Variants in CDH13 observed in about 807,000 individuals in gnomAD.
The protein encoded by CDH13 is cadherin-13.
CDH13 carries 24 observed loss-of-function variants against 63.8 expected under a neutral mutation model. That is an observed-to-expected ratio of 0.38 (90% confidence interval 0.27 to 0.53). The LOEUF (loss-of-function observed/expected upper bound fraction) is 0.53. Ranked by LOEUF, CDH13 falls within the 20% of genes least tolerant of loss-of-function variation. CDH13 has a pLI of 0.85. For missense variants in CDH13, 1,049 were observed against 903.1 expected, an observed-to-expected ratio of 1.16 and a Z score of -2.07; for synonymous variants, 503 against 355.3, an observed-to-expected ratio of 1.42 and a Z score of -4.67.
chr16:83,556,825 G>A (rs974474312), intron 7 of CDH13, among the ~76,000 whole-genome samples: 7 of 152,322 alleles, frequency 4.6e-5, no homozygotes, highest in African/African-American at 1.7e-4. Context: ...CACAGTCTCA[G>A]CTGATGCCAG....
chr16:83,650,219 G>GAA (rs58267042), intron 8 of CDH13, among the ~76,000 whole-genome samples: 2 of 151,388 alleles, frequency 1.3e-5, no homozygotes, highest in Admixed American at 1.3e-4. Flanking sequence ...CAGAAAGCAG[G>GAA]AAAAAAAATA....
intron 7 of CDH13, among the ~76,000 whole-genome samples, chr16:83,523,376 C>G (rs79163676): frequency 5.8e-4 from 88 of 152,306 alleles, no homozygotes; most frequent in African/African-American, 1.9e-3. Context: ...TCATGATGAC[C>G]TAGCCCATGC....
chr16:83,522,055 T>A (rs2074850278), intron 7 of CDH13, among the ~76,000 whole-genome samples: 1 of 152,194 alleles, frequency 6.6e-6, no homozygotes, highest in African/African-American at 2.4e-5. Context: ...CAGGCCACCT[T>A]CCTTCCTAGG....
chr16:83,379,755 A>G (rs2091522654), intron 6 of CDH13, among the ~76,000 whole-genome samples: 2 of 152,134 alleles, frequency 1.3e-5, no homozygotes. Context: ...TGTAAATTGC[A>G]TAAATGTGTA....
intron 11 of CDH13, among the ~76,000 whole-genome samples, chr16:83,768,799 C>G (rs1264037500): frequency 1.3e-5 from 2 of 152,042 alleles, no homozygotes; most frequent in African/African-American, 2.4e-5. Context: ...CCAGAGGTCA[C>G]TCTCATCGCC....
chr16:83,397,094 C>T (rs945014348), intron 6 of CDH13, among the ~76,000 whole-genome samples: 2 of 152,086 alleles, frequency 1.3e-5, no homozygotes, highest in Admixed American at 6.5e-5. Context: ...ATCTCACCGC[C>T]GCCCCCTTAC....
intron 8 of CDH13, among the ~76,000 whole-genome samples, chr16:83,636,713 A>G (rs980549311): frequency 6.6e-6 from 1 of 152,124 alleles, no homozygotes; most frequent in African/African-American, 2.4e-5. Flanking sequence ...TAGTGCTGCA[A>G]TGGATATATG....
At chr16:82,786,566 T>C (rs1325583289) in intron 1 of CDH13, among the ~76,000 whole-genome samples, 1 of 151,946 alleles carries the variant, frequency 6.6e-6, no homozygotes, top group South Asian at 2.1e-4. Context: ...GCAGGTTTTT[T>C]ATGTATGTAT....
chr16:83,523,876 G>C (rs567934442), intron 7 of CDH13, among the ~76,000 whole-genome samples: 1 of 152,292 alleles, frequency 6.6e-6, no homozygotes, highest in Admixed American at 6.5e-5. Flanking sequence ...TTCTGGGAAA[G>C]ATGAAGCATC....
At chr16:83,298,188 A>G (rs1251169604) in intron 5 of CDH13, among the ~76,000 whole-genome samples, 1 of 152,074 alleles carries the variant, frequency 6.6e-6, no homozygotes, top group African/African-American at 2.4e-5. Flanking sequence ...GGCTGTAGCG[A>G]GCAATGATCG....
At chr16:83,094,565 TG>T (rs2034098608) in intron 3 of CDH13, among the ~76,000 whole-genome samples, 1 of 152,152 alleles carries the variant, frequency 6.6e-6, no homozygotes, top group Non-Finnish European at 1.5e-5. Context: ...AGTATAATCT[TG>T]GGAGAGGTGC....
intron 3 of CDH13, among the ~76,000 whole-genome samples, chr16:83,059,931 C>G (rs1173066104): frequency 6.6e-6 from 1 of 151,458 alleles, no homozygotes; most frequent in Non-Finnish European, 1.5e-5. Context: ...GTAGCTGGGA[C>G]TACAGGTGCC....
At chr16:83,337,304 C>A (rs1373336906) in intron 5 of CDH13, among the ~76,000 whole-genome samples, 2 of 152,128 alleles carry the variant, frequency 1.3e-5, no homozygotes, top group African/African-American at 4.8e-5. Context: ...GACAACAGGG[C>A]CCTAAACTCA....
intron 2 of CDH13, among the ~76,000 whole-genome samples, chr16:83,031,520 C>G (rs1051198378): frequency 2.0e-5 from 3 of 151,254 alleles, no homozygotes; most frequent in African/African-American, 4.9e-5. Flanking sequence ...ATCTGTTTTG[C>G]TATTTAGCCC....
At chr16:83,716,867 A>AT (rs1413102942) in intron 10 of CDH13, 1 of 152,270 alleles carries the variant, frequency 6.6e-6, no homozygotes, top group East Asian at 1.9e-4. Context: ...CTTTGGAAAT[A>AT]TCTGAATTTT....
intron 7 of CDH13, among the ~76,000 whole-genome samples, chr16:83,595,174 C>G (rs1386337193): frequency 3.3e-5 from 5 of 152,186 alleles, no homozygotes; most frequent in African/African-American, 1.2e-4. Flanking sequence ...CAGTGCATTT[C>G]TTCCTCCAAA....
chr16:83,140,773 G>T (rs2036496682), intron 4 of CDH13, among the ~76,000 whole-genome samples: 2 of 152,186 alleles, frequency 1.3e-5, no homozygotes, highest in Admixed American at 1.3e-4. Flanking sequence ...GTATCTTAAG[G>T]CATAGAGCAT....
chr16:82,639,580 C>T, intron 1 of CDH13: 2 of 687,638 alleles, frequency 2.9e-6, no homozygotes, highest in South Asian at 3.5e-5. Flanking sequence ...TAATTCTTTC[C>T]CCAAACAAAA....
chr16:83,341,789 C>G (rs917819167), intron 5 of CDH13, among the ~76,000 whole-genome samples: 8 of 152,074 alleles, frequency 5.3e-5, no homozygotes, highest in African/African-American at 1.4e-4. Context: ...TACCATTCCC[C>G]ACTCCTAAAT....
Sources: allele counts gnomAD v4.1 joint callset (sites outside exome capture counted in the v4.1 genomes callset), GRCh38; gene constraint gnomAD v4.1.1; transcripts MANE v1.5; gene names NCBI Gene and HGNC (gene_info 2026-07-23, HGNC 2026-07-21).